Variants in SDK1 observed in about 807,000 individuals in gnomAD.
SDK1 encodes the protein protein sidekick-1.
In SDK1, 157 loss-of-function variants were observed where a neutral mutation model predicts 245.5. The ratio of observed to expected loss-of-function variants is 0.64; its 90% confidence interval spans 0.56 to 0.73. The LOEUF (loss-of-function observed/expected upper bound fraction) is 0.73, where lower values mean the gene tolerates loss of function less well. Among genes scored for constraint, SDK1 ranks in the 30% least tolerant of loss-of-function variants. The pLI is 0.00. For missense variants in SDK1, 3,583 were observed against 3,002.3 expected, an observed-to-expected ratio of 1.19 and a Z score of -4.52; for synonymous variants, 1,647 against 1,278.5, an observed-to-expected ratio of 1.29 and a Z score of -6.15.
At chr7:4,125,489 TGATGGATGGATG>T (rs138042822) in intron 25 of SDK1, among the ~76,000 whole-genome samples, 1 of 146,416 alleles carries the variant, frequency 6.8e-6, no homozygotes, top group Non-Finnish European at 1.5e-5. Context: ...ATGGATTGAT[TGATGGATGGATG>T]GATGGATGGA....
In SDK1 at chr7:3,403,243, G is replaced by T. The variant is rs1019803716; in HGVS notation, c.298+101359G>T. On this transcript the variant is annotated intron_variant, in intron 1 of 44. Transcript: ENST00000404826. The stretch of plus-strand genomic sequence containing the variant: ...GTCACCATGCCTGACCTATACTTCT[G>T]TTTCTTATGAGCTTACTTATTAGAA... Among the ~76,000 whole-genome samples, 6 of 152,018 alleles carry T rather than the reference G, an allele frequency of 3.9e-5. No individual in the cohort carries two copies. In the East Asian group the frequency reaches 9.6e-4, roughly 24 times the overall value.
At chr7:3,671,105 C>T (rs148735989) in intron 4 of SDK1, among the ~76,000 whole-genome samples, 76 of 152,254 alleles carry the variant, frequency 5.0e-4, no homozygotes, top group African/African-American at 1.8e-3. Flanking sequence ...GGTGTCTTGC[C>T]TTACCCCTGA....
At chr7:3,901,163 A>G (rs1046707136) in intron 5 of SDK1, among the ~76,000 whole-genome samples, 1 of 151,914 alleles carries the variant, frequency 6.6e-6, no homozygotes, top group Admixed American at 6.6e-5. Context: ...TCTTTGTCAG[A>G]TTCAAGTTAA....
chr7:3,333,102 T>C (rs1373973342), intron 1 of SDK1, among the ~76,000 whole-genome samples: 1 of 152,156 alleles, frequency 6.6e-6, no homozygotes, highest in African/African-American at 2.4e-5. Context: ...AGGTATGCTG[T>C]CTAGGAAAGA....
At chr7:3,895,069 C>T (rs1175487885) in intron 5 of SDK1, among the ~76,000 whole-genome samples, 1 of 152,096 alleles carries the variant, frequency 6.6e-6, no homozygotes, top group Non-Finnish European at 1.5e-5. Flanking sequence ...GTTGCTTTTA[C>T]TCAATATGGT....
intron 1 of SDK1, chr7:3,302,270 A>G (rs1409617722): frequency 6.6e-6 from 1 of 152,300 alleles, no homozygotes; most frequent in Non-Finnish European, 1.5e-5. Context: ...GGTGAGTGAC[A>G]TCCAGAAGAC....
At chr7:3,816,244 T>A (rs1430929207) in intron 4 of SDK1, among the ~76,000 whole-genome samples, 1 of 151,512 alleles carries the variant, frequency 6.6e-6, no homozygotes, top group African/African-American at 2.4e-5. Flanking sequence ...CTAACTAAAA[T>A]CAGAGCAGAA....
chr7:3,454,983 C>T (rs371921495), intron 1 of SDK1, among the ~76,000 whole-genome samples: 3 of 152,242 alleles, frequency 2.0e-5, no homozygotes, highest in African/African-American at 4.8e-5. Flanking sequence ...GTATCCTTGC[C>T]TGCATTTGGT....
At chr7:4,073,200 T>A (rs1367665972) in intron 20 of SDK1, among the ~76,000 whole-genome samples, 1 of 152,136 alleles carries the variant, frequency 6.6e-6, no homozygotes, top group Admixed American at 6.5e-5. Context: ...AAGCAGAGGA[T>A]GCATCCCCTG....
At chr7:4,235,468 A>G (rs1786100330) in intron 41 of SDK1, among the ~76,000 whole-genome samples, 2 of 152,106 alleles carry the variant, frequency 1.3e-5, no homozygotes, top group South Asian at 4.1e-4. Flanking sequence ...CCAGCTGACC[A>G]CTTGATTTTT....
At chr7:3,503,903 G>A (rs778009807) in intron 1 of SDK1, among the ~76,000 whole-genome samples, 5 of 152,074 alleles carry the variant, frequency 3.3e-5, no homozygotes, top group Non-Finnish European at 5.9e-5. Flanking sequence ...CGTAATCCTA[G>A]CACTTTGGGA....
chr7:3,852,609 G>A (rs1780445552), intron 5 of SDK1, among the ~76,000 whole-genome samples: 1 of 151,354 alleles, frequency 6.6e-6, no homozygotes, highest in African/African-American at 2.4e-5. Context: ...AAATTAGCCG[G>A]GCTTGGTGGC....
At chr7:4,076,735 A>C (rs1274867822) in intron 20 of SDK1, among the ~76,000 whole-genome samples, 1 of 152,110 alleles carries the variant, frequency 6.6e-6, no homozygotes, top group Non-Finnish European at 1.5e-5. Context: ...CCCTGTCCTT[A>C]TGAAGCTCGC....
intron 5 of SDK1, among the ~76,000 whole-genome samples, chr7:3,873,656 G>A (rs74685018): frequency 0.014 from 2,177 of 151,990 alleles, 20 homozygotes; most frequent in Non-Finnish European, 0.022. Context: ...TTTTCTCTTT[G>A]CATTTCAGAT....
At chr7:3,809,224 GC>G (rs1458802069) in intron 4 of SDK1, among the ~76,000 whole-genome samples, 1 of 152,032 alleles carries the variant, frequency 6.6e-6, no homozygotes, top group Admixed American at 6.5e-5. Context: ...AGGGGGAGGT[GC>G]CACACACTTT....
intron 14 of SDK1, among the ~76,000 whole-genome samples, chr7:3,990,661 G>A (rs778754199): frequency 1.3e-5 from 2 of 152,202 alleles, no homozygotes; most frequent in Non-Finnish European, 2.9e-5. Flanking sequence ...CTTCAGGACT[G>A]TGTCTCCTTT....
At chr7:4,196,893 C>G (rs11769608) in intron 35 of SDK1, among the ~76,000 whole-genome samples, 24,797 of 152,206 alleles carry the variant, frequency 0.16, 2,029 homozygotes, top group Middle Eastern at 0.21. Flanking sequence ...CTCTCCATCC[C>G]CTGACTTTTT....
intron 4 of SDK1, among the ~76,000 whole-genome samples, chr7:3,772,262 A>G (rs1466551068): frequency 6.8e-6 from 1 of 146,696 alleles, no homozygotes; most frequent in South Asian, 2.1e-4. Flanking sequence ...TTTTTTTTAT[A>G]TTCTACGTCT....
chr7:3,981,942 T>A (rs933821532), intron 13 of SDK1, among the ~76,000 whole-genome samples: 9 of 152,248 alleles, frequency 5.9e-5, no homozygotes, highest in Admixed American at 1.3e-4. Flanking sequence ...ACAAGAAATT[T>A]GCAGTGTAGA....
Sources: gnomAD v4.1 joint callset for allele counts (sites outside exome capture counted in the v4.1 genomes callset) on GRCh38, gnomAD v4.1.1 for gene constraint, MANE v1.5 for transcripts, NCBI Gene and HGNC (gene_info 2026-07-23, HGNC 2026-07-21) for gene names.